Variants in TWSG1 observed in about 807,000 individuals in gnomAD.
TWSG1 encodes the protein twisted gastrulation BMP signaling modulator 1, also known as twisted gastrulation protein homolog 1.
Under a neutral mutation model 23.0 loss-of-function variants are expected in TWSG1, and 15 were observed. That is an observed-to-expected ratio of 0.65 (90% CI 0.44 to 1.00). TWSG1 has a LOEUF of 1.00. Ranked by LOEUF, TWSG1 falls within the 50% of genes least tolerant of loss-of-function variation. The pLI is 0.00. For missense variants in TWSG1, 242 were observed against 278.7 expected (o/e 0.87, Z 0.94); for synonymous variants, 86 against 92.8 (o/e 0.93, Z 0.42).
chr18:9,399,630 A>G lies in TWSG1; in HGVS notation c.*103A>G, dbSNP rs1024501340. 16 of 1,031,998 alleles carry G rather than the reference A, an allele frequency of 1.6e-5. No individual in the cohort carries two copies. The African/African-American group carries it at 2.1e-4, about 14-fold the overall frequency. The allele number at this position is 1,031,998 out of a possible 1,614,324, so 63.9% of individuals were successfully genotyped here. A position where few individuals can be genotyped will look rare whatever the true frequency, so the allele number is the denominator to read the frequency against. On this transcript the variant is annotated 3_prime_UTR_variant, in exon 5 of 5. Coordinates refer to ENST00000262120, the MANE Select transcript of TWSG1 (RefSeq NM_020648.6). ...CTTGTATCAGAATCCCAGTAAGTTA[A>G]GTTGTAAAGACTTTGGAATAAGTTT...
chr18:9,350,604 T>G (rs1199073691), intron 2 of TWSG1, among the ~76,000 whole-genome samples: 1 of 152,214 alleles, frequency 6.6e-6, no homozygotes, highest in Non-Finnish European at 1.5e-5. Flanking sequence ...GTTACTAGGT[T>G]TATGTGAGAA....
At chr18:9,369,855 A>G (rs1433392615) in intron 3 of TWSG1, among the ~76,000 whole-genome samples, 2 of 152,108 alleles carry the variant, frequency 1.3e-5, no homozygotes, top group Non-Finnish European at 2.9e-5. Flanking sequence ...CATATTTTTT[A>G]TATTAACCGC....
At chr18:9,389,061 C>T (rs2040698932) in intron 3 of TWSG1, among the ~76,000 whole-genome samples, 1 of 152,138 alleles carries the variant, frequency 6.6e-6, no homozygotes, top group Middle Eastern at 3.4e-3. Flanking sequence ...ACCGCAACCT[C>T]CACCTCCCGG....
intron 3 of TWSG1, among the ~76,000 whole-genome samples, chr18:9,371,171 G>T (rs4239338): frequency 7.9e-5 from 12 of 152,162 alleles, no homozygotes; most frequent in Non-Finnish European, 2.9e-5. Flanking sequence ...GCCACAAAAG[G>T]AGGTCTGAGA....
intron 3 of TWSG1, among the ~76,000 whole-genome samples, chr18:9,369,277 C>T (rs953219517): frequency 6.6e-5 from 10 of 151,558 alleles, no homozygotes; most frequent in Non-Finnish European, 1.3e-4. Flanking sequence ...ATCCTTTGCC[C>T]GTTTCTTTTG....
chr18:9,362,977 G>A lies in TWSG1; in HGVS notation c.223+2906G>A, dbSNP rs183690980. Among the ~76,000 whole-genome samples the A allele has an allele frequency of 3.0e-4, 45 of 152,186 alleles. No homozygotes were observed. In the East Asian group the frequency reaches 7.9e-3, roughly 27 times the overall value. Reference sequence around the variant, plus strand: ...TATTTATACAGCAATCCTCCTCCTTGTAGGCAGCTCTCTTCCAAATTAGGC... The same window carrying A: ...TATTTATACAGCAATCCTCCTCCTTATAGGCAGCTCTCTTCCAAATTAGGC... On this transcript the variant is annotated intron_variant, in intron 3 of 4. Coordinates refer to ENST00000262120, the MANE Select transcript of TWSG1 (RefSeq NM_020648.6).
chr18:9,389,548 C>T (rs1003400707), intron 3 of TWSG1, among the ~76,000 whole-genome samples: 6 of 152,082 alleles, frequency 3.9e-5, no homozygotes, highest in Admixed American at 6.6e-5. Context: ...AATCCATGAT[C>T]CTGTCATACA....
intron 3 of TWSG1, among the ~76,000 whole-genome samples, chr18:9,363,036 C>A (rs1489424996): frequency 6.6e-6 from 1 of 152,190 alleles, no homozygotes; most frequent in Non-Finnish European, 1.5e-5. Context: ...TGCCGCTGCT[C>A]CTCCTTCCTA....
intron 3 of TWSG1, among the ~76,000 whole-genome samples, chr18:9,370,672 A>C (rs2145616672): frequency 6.6e-6 from 1 of 152,326 alleles, no homozygotes; most frequent in Admixed American, 6.5e-5. Context: ...AACTGAATGT[A>C]ATTTATCCAT....
At chr18:9,369,541 C>T (rs2040594998) in intron 3 of TWSG1, among the ~76,000 whole-genome samples, 1 of 152,206 alleles carries the variant, frequency 6.6e-6, no homozygotes. Context: ...GCTGGGATTA[C>T]AGGCATGAGC....
At chr18:9,361,055 AT>A (rs1449141044) in intron 3 of TWSG1, among the ~76,000 whole-genome samples, 1 of 152,194 alleles carries the variant, frequency 6.6e-6, no homozygotes, top group Admixed American at 6.5e-5. Flanking sequence ...ACTCTAATGA[AT>A]TAATAATATA....
At chr18:9,348,305 G>C (rs954062312) in intron 2 of TWSG1, among the ~76,000 whole-genome samples, 3 of 152,184 alleles carry the variant, frequency 2.0e-5, no homozygotes, top group African/African-American at 7.2e-5. Flanking sequence ...TGATCTGATA[G>C]AAACCTGAAC....
chr18:9,354,614 G>A (rs1404149587), intron 2 of TWSG1, among the ~76,000 whole-genome samples: 1 of 152,226 alleles, frequency 6.6e-6, no homozygotes, highest in East Asian at 1.9e-4. Flanking sequence ...TGGACAAGGT[G>A]TGGAAAGGAT....
intron 3 of TWSG1, among the ~76,000 whole-genome samples, chr18:9,372,202 A>T (rs955212933): frequency 4.6e-5 from 7 of 151,546 alleles, no homozygotes; most frequent in Non-Finnish European, 8.8e-5. Context: ...TCGGTGGGAG[A>T]TACATTCCAG....
chr18:9,393,707 A>G (rs983868418), intron 3 of TWSG1, among the ~76,000 whole-genome samples: 32 of 152,108 alleles, frequency 2.1e-4, no homozygotes, highest in Admixed American at 3.3e-4. Flanking sequence ...ACAAGCACGC[A>G]TCATCATGCT....
intron 3 of TWSG1, among the ~76,000 whole-genome samples, chr18:9,365,736 C>G (rs906991103): frequency 1.3e-5 from 2 of 152,072 alleles, no homozygotes; most frequent in African/African-American, 4.8e-5. Context: ...CCCAGAGGCT[C>G]ACACCTGTAA....
In TWSG1 at chr18:9,360,072, G is replaced by C; in HGVS notation, c.223+1G>C. ...TGGGACGAGTGCTGTGACTGTGTTG[G>C]TAAGTTGATACCAAGGGAGACTTCT... On this transcript the variant is annotated splice_donor_variant, in intron 3 of 4. Transcript: ENST00000262120. LOFTEE classifies it high-confidence loss of function. The C allele has an allele frequency of 6.2e-7, 1 of 1,610,952 alleles. No homozygotes were observed. Among genetic ancestry groups the C allele is most frequent in the Middle Eastern group, 1.7e-4 (1 of 6,046 alleles).
intron 1 of TWSG1, among the ~76,000 whole-genome samples, chr18:9,335,294 G>T (rs1046425952): frequency 2.6e-5 from 4 of 152,256 alleles, no homozygotes; most frequent in Non-Finnish European, 5.9e-5. Context: ...CTCTACAGAG[G>T]CTCGGCTCTG....
At chr18:9,336,395 G>GA (rs879273666) in intron 1 of TWSG1, among the ~76,000 whole-genome samples, 1,647 of 113,876 alleles carry the variant, frequency 0.014, 27 homozygotes, top group African/African-American at 0.046. Flanking sequence ...ACGTCTAAAA[G>GA]AAAAAAAAAA....
Sources: allele counts gnomAD v4.1 joint callset (sites outside exome capture counted in the v4.1 genomes callset), GRCh38; gene constraint gnomAD v4.1.1; transcripts MANE v1.5; gene names NCBI Gene and HGNC (gene_info 2026-07-23, HGNC 2026-07-21).